LRMDA: variants seen among roughly 807,000 people sequenced by gnomAD.
LRMDA encodes leucine rich melanocyte differentiation associated.
LRMDA carries 18 observed loss-of-function variants against 29.8 expected under a neutral mutation model. The ratio of observed to expected loss-of-function variants is 0.60; its 90% CI spans 0.42 to 0.90. The LOEUF (loss-of-function observed/expected upper bound fraction) is 0.90, where lower values mean the gene tolerates loss of function less well. Ranked by LOEUF, LRMDA falls within the 40% of genes least tolerant of loss-of-function variation. The pLI is 0.00. For synonymous variants in LRMDA, 125 were observed against 109.4 expected, an observed-to-expected ratio of 1.14 and a Z score of -0.89; for missense variants, 273 against 273.9, an observed-to-expected ratio of 1.00 and a Z score of 0.02.
intron 2 of LRMDA, among the ~76,000 whole-genome samples, chr10:75,909,414 C>T (rs73293359): frequency 0.018 from 2,808 of 152,262 alleles, 90 homozygotes; most frequent in African/African-American, 0.064. Context: ...TCCTCTTGGC[C>T]TGCTCTGATG....
chr10:75,576,411 G>A (rs1840506537), intron 2 of LRMDA, among the ~76,000 whole-genome samples: 1 of 152,250 alleles, frequency 6.6e-6, no homozygotes. Flanking sequence ...CTGCAACAGG[G>A]CACCTGGGGG....
chr10:75,687,121 A>G (rs1438281089), intron 2 of LRMDA, among the ~76,000 whole-genome samples: 2 of 152,208 alleles, frequency 1.3e-5, no homozygotes, highest in Admixed American at 6.6e-5. Context: ...AGGGCAATTA[A>G]TGACCCTGCA....
intron 6 of LRMDA, among the ~76,000 whole-genome samples, chr10:76,483,531 G>A (rs140978238): frequency 1.1e-3 from 162 of 151,870 alleles, no homozygotes; most frequent in African/African-American, 3.7e-3. Context: ...AATGATCTCC[G>A]GGGCTCCAGT....
chr10:76,216,455 A>G (rs1851730148), intron 5 of LRMDA, among the ~76,000 whole-genome samples: 1 of 152,238 alleles, frequency 6.6e-6, no homozygotes, highest in Admixed American at 6.5e-5. Context: ...GTATGTAAAG[A>G]ACTCCTATAA....
chr10:76,377,932 G>A (rs546177649), intron 6 of LRMDA, among the ~76,000 whole-genome samples: 63 of 152,100 alleles, frequency 4.1e-4, no homozygotes, highest in Non-Finnish European at 5.9e-4. Flanking sequence ...TTGGTGATTC[G>A]GATTCGATAG....
chr10:76,552,227 C>A (rs1314313563), intron 6 of LRMDA, among the ~76,000 whole-genome samples: 1 of 152,122 alleles, frequency 6.6e-6, no homozygotes, highest in African/African-American at 2.4e-5. Flanking sequence ...AATGACAGAC[C>A]ACTTGCTTTG....
intron 2 of LRMDA, among the ~76,000 whole-genome samples, chr10:75,914,736 T>C (rs748770483): frequency 1.3e-5 from 2 of 152,244 alleles, no homozygotes; most frequent in Non-Finnish European, 2.9e-5. Flanking sequence ...GGTTGAATCA[T>C]GTGTATTTGG....
chr10:75,732,004 T>C (rs1280884272), intron 2 of LRMDA, among the ~76,000 whole-genome samples: 3 of 152,250 alleles, frequency 2.0e-5, no homozygotes, highest in Non-Finnish European at 4.4e-5. Flanking sequence ...CTTCTTTTTA[T>C]AGTGACTAAG....
At chr10:75,712,810 C>A (rs972946675) in intron 2 of LRMDA, among the ~76,000 whole-genome samples, 4 of 151,464 alleles carry the variant, frequency 2.6e-5, no homozygotes, top group Non-Finnish European at 5.9e-5. Flanking sequence ...CCACCCCCAG[C>A]CCCCCAACTA....
At chr10:75,696,898 C>T (rs983158732) in intron 2 of LRMDA, among the ~76,000 whole-genome samples, 1 of 152,170 alleles carries the variant, frequency 6.6e-6, no homozygotes, top group African/African-American at 2.4e-5. Context: ...TTCAGTCCTT[C>T]GTTGGCAGAT....
intron 2 of LRMDA, among the ~76,000 whole-genome samples, chr10:75,851,848 G>A (rs989580841): frequency 2.0e-5 from 3 of 152,170 alleles, no homozygotes; most frequent in South Asian, 2.1e-4. Context: ...GAAGGAGTAC[G>A]GCTGCCTGCA....
intron 5 of LRMDA, among the ~76,000 whole-genome samples, chr10:76,262,381 T>C (rs1013810524): frequency 6.6e-6 from 1 of 152,218 alleles, no homozygotes; most frequent in Non-Finnish European, 1.5e-5. Context: ...ATCAACATGC[T>C]TTATTTTCTG....
chr10:75,839,376 A>G (rs1844495543), intron 2 of LRMDA, among the ~76,000 whole-genome samples: 1 of 152,172 alleles, frequency 6.6e-6, no homozygotes, highest in Admixed American at 6.5e-5. Flanking sequence ...TTTAATAAGC[A>G]CAAACAAAGT....
At chr10:75,990,844 G>A (rs1010745648) in intron 2 of LRMDA, among the ~76,000 whole-genome samples, 1 of 152,192 alleles carries the variant, frequency 6.6e-6, no homozygotes, top group Non-Finnish European at 1.5e-5. Context: ...TGTGGGTGTG[G>A]AGGACTTCTG....
chr10:75,992,465 A>T (rs1847387826), intron 2 of LRMDA, among the ~76,000 whole-genome samples: 2 of 152,090 alleles, frequency 1.3e-5, no homozygotes, highest in Non-Finnish European at 2.9e-5. Context: ...AGTTGGATGG[A>T]ATTGGGGAGA....
chr10:75,650,916 A>AT (rs1337356876), intron 2 of LRMDA, among the ~76,000 whole-genome samples: 3 of 152,094 alleles, frequency 2.0e-5, no homozygotes, highest in African/African-American at 7.2e-5. Flanking sequence ...AGCATTATAG[A>AT]TGGTCGCCCC....
At chr10:75,810,610 T>C (rs1224996674) in intron 2 of LRMDA, among the ~76,000 whole-genome samples, 1 of 152,202 alleles carries the variant, frequency 6.6e-6, no homozygotes, top group Non-Finnish European at 1.5e-5. Flanking sequence ...TTCTGATAGA[T>C]GGGTGGTTGG....
intron 5 of LRMDA, among the ~76,000 whole-genome samples, chr10:76,170,520 G>A (rs562071093): frequency 3.3e-5 from 5 of 152,290 alleles, no homozygotes; most frequent in Admixed American, 6.5e-5. Context: ...AAGCAAGTCC[G>A]TTTGCTTCTC....
At chr10:75,774,107 C>T (rs1199738496) in intron 2 of LRMDA, among the ~76,000 whole-genome samples, 1 of 152,208 alleles carries the variant, frequency 6.6e-6, no homozygotes, top group African/African-American at 2.4e-5. Context: ...TCCAGATCCT[C>T]TCCACACACT....
Sources: allele counts gnomAD v4.1 joint callset (sites outside exome capture counted in the v4.1 genomes callset), GRCh38; gene constraint gnomAD v4.1.1; transcripts MANE v1.5; gene names NCBI Gene and HGNC (gene_info 2026-07-23, HGNC 2026-07-21).